Variants in PRKN observed in about 807,000 individuals in gnomAD.
PRKN encodes the protein parkin RBR E3 ubiquitin protein ligase.
PRKN carries 56 observed loss-of-function variants against 59.5 expected under a neutral mutation model. The observed-to-expected ratio is 0.94, with a 90% CI of 0.76 to 1.18. The LOEUF is 1.18. Among genes scored for constraint, PRKN ranks in the 50% most tolerant of loss-of-function variants. PRKN has a pLI of 0.00. For missense variants in PRKN, 657 were observed against 596.4 expected (o/e 1.10, Z -1.06); for synonymous variants, 250 against 222.1 (o/e 1.13, Z -1.12).
In PRKN at chr6:161,499,429, A is replaced by G. The variant is rs562744403; in HGVS notation, c.1083+49425T>C. On this transcript the variant is annotated intron_variant, in intron 9 of 11. Transcript: ENST00000366898. This position sits in a 1 kb window ranked among gnomAD's most constrained non-coding sequence, Gnocchi z 4.2. Reference sequence around the variant, plus strand: ...TGTGGAGTGCATAATTCTCCTAAGTATGAAAGTGAAAAGCTAAGATCAGTG... The same window carrying G: ...TGTGGAGTGCATAATTCTCCTAAGTGTGAAAGTGAAAAGCTAAGATCAGTG... Among the ~76,000 whole-genome samples the G allele has an allele frequency of 3.1e-4, 47 of 152,288 alleles. No homozygotes were observed. Among genetic ancestry groups the G allele is most frequent in the African/African-American group, 1.1e-3 (46 of 41,550 alleles).
chr6:162,207,620 T>C (rs1785007301), intron 3 of PRKN, among the ~76,000 whole-genome samples: 1 of 152,118 alleles, frequency 6.6e-6, no homozygotes, highest in Admixed American at 6.6e-5. Context: ...ACTATGTGAG[T>C]GGACCACTCT....
At chr6:162,289,390 A>G (rs1781328244) in intron 2 of PRKN, among the ~76,000 whole-genome samples, 1 of 151,952 alleles carries the variant, frequency 6.6e-6, no homozygotes, top group East Asian at 1.9e-4. Flanking sequence ...TCACATTCCC[A>G]GGTGCTTCAA....
At chr6:162,383,672 C>T (rs1043625330) in intron 2 of PRKN, among the ~76,000 whole-genome samples, 7 of 152,158 alleles carry the variant, frequency 4.6e-5, no homozygotes, top group African/African-American at 1.7e-4. Flanking sequence ...CACAAAAGGG[C>T]AGGCTGTTCT....
In PRKN at chr6:161,419,017, G is replaced by A. The variant is rs534996537; in HGVS notation, c.1084-32140C>T. On this transcript the variant is annotated intron_variant, in intron 9 of 11. Coordinates refer to ENST00000366898, the MANE Select transcript of PRKN (RefSeq NM_004562.3). The surrounding 1 kb of genome is among the most constrained non-coding windows in gnomAD (Gnocchi z 4.1). ...AAAATTAGAAGTGAGGCAGTAAAGC[G>A]AGTCTCTGAAAATACGTTGGATGTA... is the stretch of plus-strand genomic sequence containing the variant. Among the ~76,000 whole-genome samples, 4 of 152,288 alleles carry A rather than the reference G, an allele frequency of 2.6e-5. No individual in the cohort carries two copies. The highest frequency in any genetic ancestry group is 2.0e-4 in the Admixed American group (3 of 15,302).
chr6:161,802,617 C>A (rs1334241297), intron 6 of PRKN, among the ~76,000 whole-genome samples: 1 of 152,202 alleles, frequency 6.6e-6, no homozygotes, highest in African/African-American at 2.4e-5. Context: ...CCAATGTCTC[C>A]TTTGCAACGA....
chr6:161,516,384 T>C (rs1005928334), intron 9 of PRKN, among the ~76,000 whole-genome samples: 1 of 147,510 alleles, frequency 6.8e-6, no homozygotes, highest in African/African-American at 2.5e-5. Flanking sequence ...GGAGAATTGA[T>C]TGAACCCAGG....
intron 7 of PRKN, chr6:161,716,065 CCCA>C: frequency 7.7e-7 from 1 of 1,302,932 alleles, no homozygotes; most frequent in Non-Finnish European, 1.0e-6. Context: ...CTGTGCTGGG[CCCA>C]TCTTACCGAC....
chr6:161,946,414 A>ACACACACACACACACACACACACTCT (rs1247187053), intron 6 of PRKN, among the ~76,000 whole-genome samples: 15 of 114,442 alleles, frequency 1.3e-4, no homozygotes, highest in Admixed American at 3.6e-4. Context: ...ACACACACAC[A>ACACACACACACACACACACACACTCT]CTCTCTCTCT....
At chr6:162,001,037 T>C (rs1782034673) in intron 5 of PRKN, among the ~76,000 whole-genome samples, 1 of 152,068 alleles carries the variant, frequency 6.6e-6, no homozygotes, top group South Asian at 2.1e-4. Flanking sequence ...CTGTTTTGAT[T>C]ACTGTAGTTT....
chr6:161,489,730 G>C (rs1777479437), intron 9 of PRKN, among the ~76,000 whole-genome samples: 1 of 151,896 alleles, frequency 6.6e-6, no homozygotes, highest in African/African-American at 2.4e-5. Flanking sequence ...CAACACTTAT[G>C]GTATATTTCT....
intron 11 of PRKN, among the ~76,000 whole-genome samples, chr6:161,358,735 G>T (rs1222750841): frequency 6.6e-6 from 1 of 151,452 alleles, no homozygotes; most frequent in African/African-American, 2.4e-5. Context: ...TGCACCCAGT[G>T]GTGGTGGAGA....
At chr6:162,011,737 G>A (rs1414705715) in intron 5 of PRKN, among the ~76,000 whole-genome samples, 10 of 150,698 alleles carry the variant, frequency 6.6e-5, no homozygotes, top group African/African-American at 2.4e-4. Context: ...CCTTTCTTCA[G>A]ATTAAATATA....
intron 1 of PRKN, among the ~76,000 whole-genome samples, chr6:162,534,494 T>C (rs1032575954): frequency 2.6e-5 from 4 of 152,232 alleles, no homozygotes; most frequent in Non-Finnish European, 4.4e-5. Context: ...AAGTTTCATT[T>C]TCTTCATTAG....
intron 3 of PRKN, among the ~76,000 whole-genome samples, chr6:162,262,085 T>G (rs1303137756): frequency 6.6e-6 from 1 of 152,208 alleles, no homozygotes; most frequent in East Asian, 1.9e-4. Flanking sequence ...AGGCACATAT[T>G]AATTTTTTTA....
At chr6:161,590,951 A>T (rs1415302865) in intron 7 of PRKN, among the ~76,000 whole-genome samples, 2 of 152,188 alleles carry the variant, frequency 1.3e-5, no homozygotes, top group Admixed American at 6.5e-5. Context: ...ACTATTAGGT[A>T]TGTACTGAGG....
intron 3 of PRKN, among the ~76,000 whole-genome samples, chr6:162,234,314 G>T (rs1179894811): frequency 6.6e-6 from 1 of 152,098 alleles, no homozygotes; most frequent in African/African-American, 2.4e-5. Flanking sequence ...CCAGTGAGCT[G>T]GCTTTAGGAT....
chr6:162,476,610 A>C (rs1403744764), intron 1 of PRKN, among the ~76,000 whole-genome samples: 5 of 152,218 alleles, frequency 3.3e-5, no homozygotes, highest in Admixed American at 3.3e-4. Context: ...GCATGAGGAA[A>C]GGACGAGCAC....
intron 6 of PRKN, among the ~76,000 whole-genome samples, chr6:161,801,205 A>G (rs552596367): frequency 2.0e-5 from 3 of 152,312 alleles, no homozygotes; most frequent in East Asian, 3.9e-4. Context: ...TCAATTCCGC[A>G]TGCCAGGGCC....
intron 4 of PRKN, among the ~76,000 whole-genome samples, chr6:162,183,231 A>T (rs994617347): frequency 2.0e-5 from 3 of 152,158 alleles, no homozygotes; most frequent in Non-Finnish European, 4.4e-5. Context: ...GATAGGGAAG[A>T]TGTAAGAGGA....
Sources: allele counts gnomAD v4.1 joint callset (sites outside exome capture counted in the v4.1 genomes callset), GRCh38; gene constraint gnomAD v4.1.1; non-coding constraint Gnocchi (gnomAD v3.1); transcripts MANE v1.5; gene names NCBI Gene and HGNC (gene_info 2026-07-23, HGNC 2026-07-21).